Variants in POPDC2 observed in about 807,000 individuals in gnomAD.
The protein encoded by POPDC2 is popeye domain cAMP effector 2.
Under a neutral mutation model 30.5 loss-of-function variants are expected in POPDC2, and 24 were observed. The observed-to-expected ratio is 0.79, with a 90% confidence interval of 0.57 to 1.11. The LOEUF (loss-of-function observed/expected upper bound fraction) is 1.11. Among genes scored for constraint, POPDC2 ranks in the 50% least tolerant of loss-of-function variants. The pLI, the probability that POPDC2 is intolerant of heterozygous loss-of-function variation, is 0.00. For synonymous variants in POPDC2, 185 were observed against 183.3 expected, an observed-to-expected ratio of 1.01 and a Z score of -0.07; for missense variants, 409 against 447.0, an observed-to-expected ratio of 0.91 and a Z score of 0.77.
chr3:119,654,687 G>T, intron 1 of POPDC2, 74 bp from the exon 2 acceptor site: 1 of 1,053,306 alleles, frequency 9.5e-7, no homozygotes, highest in Non-Finnish European at 1.5e-6. Flanking sequence ...GAAGTTAGGT[G>T]TCGCTGATTA....
chr3:119,653,699 G>A (rs929024021), intron 2 of POPDC2, among the ~76,000 whole-genome samples: 23 of 152,138 alleles, frequency 1.5e-4, no homozygotes, highest in Admixed American at 1.1e-3. Flanking sequence ...GGATGGTCTC[G>A]ATCTCCTGAC....
intron 1 of POPDC2, 115 bp downstream of exon 1, chr3:119,659,818 C>A: frequency 1.5e-6 from 2 of 1,309,454 alleles, no homozygotes; most frequent in Non-Finnish European, 2.1e-6. Flanking sequence ...CACATCCTTC[C>A]CTCAATGGAA....
intron 2 of POPDC2, among the ~76,000 whole-genome samples, chr3:119,649,526 C>T (rs2052786271): frequency 6.6e-6 from 1 of 152,086 alleles, no homozygotes; most frequent in African/African-American, 2.4e-5. Flanking sequence ...ATGCTTAGGA[C>T]AGTGCAGGAA....
intron 3 of POPDC2, among the ~76,000 whole-genome samples, chr3:119,645,425 G>T (rs1384115344): frequency 6.6e-6 from 1 of 152,126 alleles, no homozygotes; most frequent in Admixed American, 6.5e-5. Flanking sequence ...AGCCAGGCAC[G>T]GTGGCGGGCG....
At chr3:119,643,721 A>C (rs1577165529) in intron 3 of POPDC2, among the ~76,000 whole-genome samples, 1 of 152,192 alleles carries the variant, frequency 6.6e-6, no homozygotes, top group African/African-American at 2.4e-5. Flanking sequence ...GTTAGAAGTT[A>C]CCCTGACACA....
chr3:119,650,443 A>C (rs2052794712), intron 2 of POPDC2, among the ~76,000 whole-genome samples: 1 of 152,188 alleles, frequency 6.6e-6, no homozygotes, highest in South Asian at 2.1e-4. Context: ...CTAGCAGTCC[A>C]CAAAGACTGT....
intron 3 of POPDC2, among the ~76,000 whole-genome samples, chr3:119,646,119 A>G (rs954948175): frequency 1.3e-5 from 2 of 152,206 alleles, no homozygotes; most frequent in Non-Finnish European, 2.9e-5. Flanking sequence ...AGGCAGAGGG[A>G]AAAGTACTGA....
Position 119,647,999 on chromosome 3 carries a change from G to A in POPDC2, c.*43+120C>T, listed in dbSNP as rs917954990. 3.2e-5 allele frequency: 26 copies of A among 807,028 alleles called. No homozygotes were observed. In the Admixed American group the frequency reaches 6.2e-4, roughly 19 times the overall value. The allele number at this position is 807,028 out of a possible 1,614,324, so 50.0% of individuals were successfully genotyped here. On this transcript the variant is annotated intron_variant, in intron 3 of 3. Transcript: ENST00000493094. ...TTGCTATCTTCAAAGTTGGGTTAAT[G>A]CCACTTTCTGTGAGTCCTCTAAGAG...
chr3:119,642,586 T>A, intron 3 of POPDC2, 25 bp from the exon 4 acceptor site: 3 of 1,465,340 alleles, frequency 2.0e-6, no homozygotes, highest in Non-Finnish European at 2.9e-6. Flanking sequence ...AGAGGGAGGA[T>A]TTTAGCACTA....
chr3:119,658,576 T>C (rs942832013), intron 1 of POPDC2, among the ~76,000 whole-genome samples: 1 of 152,206 alleles, frequency 6.6e-6, no homozygotes, highest in African/African-American at 2.4e-5. Context: ...GTTCCCTAAA[T>C]TGTCTTTAAG....
In POPDC2 at chr3:119,659,953, C is replaced by T. The variant is rs1432277970; in HGVS notation, c.471G>A (p.Leu157=). 2 of 1,594,550 alleles carry T rather than the reference C, an allele frequency of 1.3e-6. No homozygotes were observed. The highest frequency in any genetic ancestry group is 2.3e-5 in the East Asian group (1 of 44,410). The change falls in exon 1 of 4, where the codon CTG becomes CTA. Residue 157 remains leucine (L), a synonymous_variant. Coordinates refer to ENST00000493094, the MANE Select transcript of POPDC2 (RefSeq NM_001369919.2). The stretch of plus-strand genomic sequence containing the variant: ...CTTACCGGCCAGAGAGCAGCAGGGA[C>T]AGGCGGTTGATGGGTGTCTCACCCT... The part of the protein sequence containing the change: ...AVEGETPINR[L]SLLLSGRVRV...
At chr3:119,650,291 C>T (rs1415139170) in intron 2 of POPDC2, among the ~76,000 whole-genome samples, 1 of 152,144 alleles carries the variant, frequency 6.6e-6, no homozygotes, top group Non-Finnish European at 1.5e-5. Context: ...TTCTTTTTCT[C>T]GAATTCACTT....
In POPDC2 at chr3:119,648,187, C is replaced by G; in HGVS notation, c.1082G>C (p.Arg361Thr). ...VSGSESFMDY[R>T]SDGEYMR is the part of the protein sequence containing the mutation. ...TCACCTCATGTACTCCCCATCACTC[C>G]TATAATCCATAAACGATTCTGATCC... Residue 361 changes from arginine (R) to threonine (T), a missense_variant, in exon 3 of 4, where the codon AGG becomes ACG. Physicochemically the swap from Arg to Thr is moderately conservative, Grantham distance 71 (BLOSUM62 -1). Transcript: ENST00000493094. 1 of 1,551,866 alleles carries G rather than the reference C, an allele frequency of 6.4e-7. No individual in the cohort carries two copies. The highest frequency in any genetic ancestry group is 2.0e-5 in the Admixed American group (1 of 51,268).
Position 119,648,673 on chromosome 3 carries a change from G to A in POPDC2, c.601-5C>T. 1 of 1,608,898 alleles carries A rather than the reference G, an allele frequency of 6.2e-7. No individual in the cohort carries two copies. Among genetic ancestry groups the A allele is most frequent in the Non-Finnish European group, 8.5e-7 (1 of 1,177,218 alleles). On this transcript the variant is annotated splice_region_variant and splice_polypyrimidine_tract_variant and intron_variant, in intron 2 of 3. Coordinates refer to ENST00000493094, the MANE Select transcript of POPDC2 (RefSeq NM_001369919.2). ...GGTCTCAGCAGTCAGAGTGACCTGA[G>A]AGGGGTCAGAAGCAGACAATAAAAG... is the stretch of plus-strand genomic sequence containing the variant.
chr3:119,653,726 C>A (rs1402190435), intron 2 of POPDC2, among the ~76,000 whole-genome samples: 3 of 152,190 alleles, frequency 2.0e-5, no homozygotes, highest in Non-Finnish European at 2.9e-5. Context: ...ATCCACCCAC[C>A]TCAGCCTCCC....
At chr3:119,654,666 C>A in intron 1 of POPDC2, 53 bp from the exon 2 acceptor site, 2 of 1,302,414 alleles carry the variant, frequency 1.5e-6, no homozygotes, top group Non-Finnish European at 2.2e-6. Flanking sequence ...GCTCTCCAAG[C>A]CACCTATGCT....
At chr3:119,644,096 C>G (rs1393882867) in intron 3 of POPDC2, among the ~76,000 whole-genome samples, 1 of 152,166 alleles carries the variant, frequency 6.6e-6, no homozygotes, top group Non-Finnish European at 1.5e-5. Context: ...GTTTCTCTTG[C>G]CCTTGGTACT....
intron 1 of POPDC2, among the ~76,000 whole-genome samples, chr3:119,657,434 G>T (rs906799849): frequency 6.6e-6 from 1 of 152,164 alleles, no homozygotes; most frequent in Admixed American, 6.5e-5. Context: ...AAAGCTGGAA[G>T]ACAGGAGCTT....
intron 2 of POPDC2, among the ~76,000 whole-genome samples, chr3:119,653,479 C>CTT (rs762463587): frequency 2.1e-5 from 3 of 140,014 alleles, no homozygotes; most frequent in Non-Finnish European, 3.1e-5. Context: ...TTCAGCAATT[C>CTT]TTTTTTTTTT....
Sources: allele counts gnomAD v4.1 joint callset (sites outside exome capture counted in the v4.1 genomes callset), GRCh38; gene constraint gnomAD v4.1.1; transcripts MANE v1.5; gene names NCBI Gene and HGNC (gene_info 2026-07-23, HGNC 2026-07-21).